VAPB: variants seen among roughly 807,000 people sequenced by gnomAD.
VAPB encodes vesicle-associated membrane protein-associated protein B/C.
VAPB carries 7 observed loss-of-function variants against 25.6 expected under a neutral mutation model. The ratio of observed to expected loss-of-function variants is 0.27; its 90% CI spans 0.16 to 0.51. VAPB has a LOEUF of 0.51. Among genes scored for constraint, VAPB ranks in the 20% least tolerant of loss-of-function variants. The pLI, the probability that VAPB is intolerant of heterozygous loss-of-function variation, is 0.97. For synonymous variants in VAPB, 112 were observed against 109.2 expected, an observed-to-expected ratio of 1.03 and a Z score of -0.16; for missense variants, 266 against 301.3, an observed-to-expected ratio of 0.88 and a Z score of 0.87.
intron 1 of VAPB, among the ~76,000 whole-genome samples, chr20:58,410,326 A>G (rs1988346066): frequency 1.3e-5 from 2 of 152,234 alleles, no homozygotes; most frequent in African/African-American, 4.8e-5. Flanking sequence ...CCATTATAAT[A>G]TCAGAGTAGT....
intron 1 of VAPB, among the ~76,000 whole-genome samples, chr20:58,392,492 G>A (rs781544948): frequency 3.3e-5 from 5 of 152,234 alleles, no homozygotes; most frequent in Non-Finnish European, 7.3e-5. Context: ...ATGACGTCAT[G>A]AGGTGTGTTG....
At chr20:58,399,496 C>T (rs1234127783) in intron 1 of VAPB, among the ~76,000 whole-genome samples, 2 of 151,792 alleles carry the variant, frequency 1.3e-5, no homozygotes, top group Non-Finnish European at 2.9e-5. Context: ...GTGGGTGGAT[C>T]GCTTGAGCTC....
At chr20:58,436,327 CTT>C (rs57100987) in intron 3 of VAPB, among the ~76,000 whole-genome samples, 4 of 114,964 alleles carry the variant, frequency 3.5e-5, no homozygotes, top group East Asian at 2.7e-4. Context: ...GTTTTTCTTC[CTT>C]TTTTTTTTTT....
chr20:58,448,491 T>C lies in VAPB; in HGVS notation c.*4256T>C, dbSNP rs1169200706. ...TGTGACTGGGGGGTAGATGGCTCTG[T>C]TTGCATACGAAGAAATAAAGGCTCC... On this transcript the variant is annotated 3_prime_UTR_variant, in exon 6 of 6. Coordinates refer to ENST00000475243, the MANE Select transcript of VAPB (RefSeq NM_004738.5). The C allele has an allele frequency of 4.4e-6, 2 of 453,982 alleles. No homozygotes were observed. Among genetic ancestry groups the C allele is most frequent in the East Asian group, 6.9e-5 (1 of 14,408 alleles). The allele number at this position is 453,982 out of a possible 1,614,324, so 28.1% of individuals were successfully genotyped here.
chr20:58,436,990 AAC>A, intron 3 of VAPB, among the ~76,000 whole-genome samples: 1 of 103,812 alleles, frequency 9.6e-6, no homozygotes, highest in South Asian at 3.0e-4. Flanking sequence ...TCAAACTTTG[AAC>A]TTTTTTTTTT....
chr20:58,433,182 C>G (rs751002090), intron 2 of VAPB, among the ~76,000 whole-genome samples: 1 of 152,150 alleles, frequency 6.6e-6, no homozygotes, highest in Non-Finnish European at 1.5e-5. Context: ...AGATATAAAT[C>G]TAGCTCATAT....
intron 1 of VAPB, among the ~76,000 whole-genome samples, chr20:58,396,018 C>G (rs1987950553): frequency 6.6e-6 from 1 of 152,196 alleles, no homozygotes; most frequent in South Asian, 2.1e-4. Flanking sequence ...CAAACACTGT[C>G]TTTGTAGACA....
rs1987732425 is a variant in VAPB, at chr20:58,389,545, G to GC, written c.58+31dup. 3 of 1,558,108 alleles carry GC rather than the reference G, an allele frequency of 1.9e-6. No homozygotes were observed. In the Admixed American group the frequency reaches 5.7e-5, roughly 30 times the overall value. ...AAGCCCCAGAGGCCGCCACCTTCCT[G>GC]CCCGCGGCCTCCGCCCCAGTGCTGG... On this transcript the variant is annotated intron_variant, in intron 1 of 5. Coordinates refer to ENST00000475243, the MANE Select transcript of VAPB (RefSeq NM_004738.5).
chr20:58,432,301 A>T (rs746196597), intron 2 of VAPB: 1 of 152,210 alleles, frequency 6.6e-6, no homozygotes, highest in Non-Finnish European at 1.5e-5. Context: ...GATTGCTGTC[A>T]TGTGAGCATC....
At chr20:58,414,352 G>A (rs1234363967) in intron 1 of VAPB, among the ~76,000 whole-genome samples, 2 of 150,798 alleles carry the variant, frequency 1.3e-5, no homozygotes, top group African/African-American at 4.9e-5. Context: ...CCCGGACGGG[G>A]CGGCCGCCGG....
chr20:58,394,670 A>T (rs1987903618), intron 1 of VAPB, among the ~76,000 whole-genome samples: 1 of 152,258 alleles, frequency 6.6e-6, no homozygotes, highest in South Asian at 2.1e-4. Context: ...CCTGGGAGAA[A>T]AATGTGGACT....
intron 1 of VAPB, among the ~76,000 whole-genome samples, chr20:58,415,606 A>G (rs1988521474): frequency 6.6e-6 from 1 of 152,204 alleles, no homozygotes; most frequent in South Asian, 2.1e-4. Flanking sequence ...TTATCTCTAA[A>G]AAGGAAAAAT....
chr20:58,413,632 T>C (rs1420148686), intron 1 of VAPB, among the ~76,000 whole-genome samples: 1 of 151,868 alleles, frequency 6.6e-6, no homozygotes, highest in East Asian at 2.0e-4. Flanking sequence ...GCCATTGTCA[T>C]CCTGGCCCGT....
intron 1 of VAPB, among the ~76,000 whole-genome samples, chr20:58,389,922 C>T (rs907303845): frequency 1.3e-5 from 2 of 152,206 alleles, no homozygotes; most frequent in Non-Finnish European, 2.9e-5. Context: ...TCAGAGAGGC[C>T]TGCTGTGACC....
rs1490070547 is a variant in VAPB at position 58,451,089 on chromosome 20, G to A, written c.*6854G>A. 8 of 398,144 alleles carry A rather than the reference G, an allele frequency of 2.0e-5. No homozygotes were observed. Among genetic ancestry groups the A allele is most frequent in the Non-Finnish European group, 3.4e-5 (7 of 203,586 alleles). The allele number at this position is 398,144 out of a possible 1,614,324, so 24.7% of individuals were successfully genotyped here. ...TTATGTTCAATAAATTCTGTGCTCT[G>A]AATATATTTAAAGGATGCTTCAGTG... On this transcript the variant is annotated 3_prime_UTR_variant, in exon 6 of 6. Coordinates refer to ENST00000475243, the MANE Select transcript of VAPB (RefSeq NM_004738.5).
chr20:58,434,527 A>G (rs1371624798), intron 2 of VAPB, 75 bp from the exon 3 acceptor site: 3 of 801,672 alleles, frequency 3.7e-6, no homozygotes, highest in Non-Finnish European at 6.6e-6. Flanking sequence ...TTACAACCAA[A>G]GTACAAGTAT....
chr20:58,449,807 G>C lies in VAPB; in HGVS notation c.*5572G>C. 2.2e-6 allele frequency: 1 copy of C among 454,062 alleles called. No homozygotes were observed. The highest frequency in any genetic ancestry group is 1.6e-5 in the South Asian group (1 of 64,466). 28.1% of individuals were successfully genotyped at this position (454,062 alleles called of 1,614,324 possible). A position where few individuals can be genotyped will look rare whatever the true frequency, so the allele number is the denominator to read the frequency against. Reference sequence around the variant, plus strand: ...GTGCAGGACAGATGCTCGCTTGCTGGCCTGCTTTCCTGCTTGCATTCTGAT... The same window carrying C: ...GTGCAGGACAGATGCTCGCTTGCTGCCCTGCTTTCCTGCTTGCATTCTGAT... On this transcript the variant is annotated 3_prime_UTR_variant, in exon 6 of 6. Coordinates refer to ENST00000475243, the MANE Select transcript of VAPB (RefSeq NM_004738.5).
rs1989360485 is a variant in VAPB, at chr20:58,448,768, A to T, written c.*4533A>T. 1 of 453,974 alleles carries T rather than the reference A, an allele frequency of 2.2e-6. No homozygotes were observed. Among genetic ancestry groups the T allele is most frequent in the Non-Finnish European group, 4.4e-6 (1 of 226,796 alleles). 28.1% of individuals were successfully genotyped at this position (453,974 alleles called of 1,614,324 possible). ...TTTCTTTTTCTGTTGGAAACTGAAC[A>T]CACTACAGACAGTGAAAAAAGGTAC... On this transcript the variant is annotated 3_prime_UTR_variant, in exon 6 of 6. Coordinates refer to ENST00000475243, the MANE Select transcript of VAPB (RefSeq NM_004738.5).
At chr20:58,417,361 C>T (rs1010428989) in intron 1 of VAPB, among the ~76,000 whole-genome samples, 3 of 152,156 alleles carry the variant, frequency 2.0e-5, no homozygotes, top group Admixed American at 6.5e-5. Flanking sequence ...GGAAAGATCT[C>T]CCATATTGTT....
Sources: allele counts gnomAD v4.1 joint callset (sites outside exome capture counted in the v4.1 genomes callset), GRCh38; gene constraint gnomAD v4.1.1; transcripts MANE v1.5; gene names NCBI Gene and HGNC (gene_info 2026-07-23, HGNC 2026-07-21).